FAM20B: variants seen among roughly 807,000 people sequenced by gnomAD.
FAM20B encodes the protein glycosaminoglycan xylosylkinase.
FAM20B carries 23 observed loss-of-function variants against 43.8 expected under a neutral mutation model. The observed-to-expected ratio is 0.53, with a 90% confidence interval of 0.38 to 0.74. FAM20B has a LOEUF of 0.74. Ranked by LOEUF, FAM20B falls within the 30% of genes least tolerant of loss-of-function variation. FAM20B has a pLI of 0.00. For synonymous variants in FAM20B, 178 were observed against 192.4 expected (o/e 0.93, Z 0.62); for missense variants, 440 against 510.5 (o/e 0.86, Z 1.33).
At chr1:179,032,204 T>A (rs1456318021) in intron 1 of FAM20B, among the ~76,000 whole-genome samples, 1 of 152,076 alleles carries the variant, frequency 6.6e-6, no homozygotes, top group African/African-American at 2.4e-5. Context: ...GTCATTTTTC[T>A]CCTCTCTGGA....
chr1:179,056,644 T>C (rs1467854137), intron 4 of FAM20B, among the ~76,000 whole-genome samples: 1 of 152,218 alleles, frequency 6.6e-6, no homozygotes, highest in Non-Finnish European at 1.5e-5. Flanking sequence ...TCAGCTCTTT[T>C]GGGTAAATAC....
At position 179,072,066 on chromosome 1, in the gene FAM20B, C is replaced by T; in HGVS notation, c.1152C>T (p.Ala384=). ...ACCAGCGGCTCCTGAGTGTCCTGGCCACCGTGAAGCAGTGCACCGACCAGT... is the reference window on the plus strand; with the variant it reads ...ACCAGCGGCTCCTGAGTGTCCTGGCTACCGTGAAGCAGTGCACCGACCAGT... ...AVDQRLLSVL[A]TVKQCTDQFG... The change falls in exon 8 of 8, where the codon GCC becomes GCT. Residue 384 remains alanine, a synonymous_variant. Coordinates refer to ENST00000263733, the MANE Select transcript of FAM20B (RefSeq NM_014864.4). The T allele has an allele frequency of 7.4e-6, 12 of 1,614,158 alleles. No individual in the cohort carries two copies. The highest frequency in any genetic ancestry group is 1.0e-5 in the Non-Finnish European group (12 of 1,180,028).
In FAM20B at chr1:179,072,046, C is replaced by T. The variant is rs1443222706; in HGVS notation, c.1132C>T (p.Arg378Trp). 5 of 1,614,038 alleles carry T rather than the reference C, an allele frequency of 3.1e-6. No individual in the cohort carries two copies. The highest frequency in any genetic ancestry group is 3.3e-5 in the Admixed American group (2 of 59,992). Residue 378 changes from arginine (R) to tryptophan (W), a missense_variant, in exon 8 of 8, where the codon CGG (arginine) becomes TGG (tryptophan). Coordinates refer to ENST00000263733, the MANE Select transcript of FAM20B (RefSeq NM_014864.4). ...SDPHLDAVDQ[R>W]LLSVLATVKQ... ...TCCTCATCTGGACGCCGTGGACCAGCGGCTCCTGAGTGTCCTGGCCACCGT... is the reference window on the plus strand; with the variant it reads ...TCCTCATCTGGACGCCGTGGACCAGTGGCTCCTGAGTGTCCTGGCCACCGT...
chr1:179,028,570 CT>C (rs1649884978), intron 1 of FAM20B, among the ~76,000 whole-genome samples: 1 of 152,062 alleles, frequency 6.6e-6, no homozygotes, highest in African/African-American at 2.4e-5. Context: ...GACAGTGAGA[CT>C]CCGTCTCAAA....
In FAM20B at chr1:179,072,199, A is replaced by T. The variant is rs1047439622; in HGVS notation, c.*55A>T. The T allele has an allele frequency of 8.1e-6, 11 of 1,366,186 alleles. No individual in the cohort carries two copies. Among genetic ancestry groups the T allele is most frequent in the Non-Finnish European group, 9.2e-6 (9 of 978,460 alleles). The allele number at this position is 1,366,186 out of a possible 1,614,324, so 84.6% of individuals were successfully genotyped here. The stretch of plus-strand genomic sequence containing the variant: ...TTTACAAAGATAGAGAAACAGCACA[A>T]TCAATTCCAAATGGTATGAGATGGA... On this transcript the variant is annotated 3_prime_UTR_variant, in exon 8 of 8. Coordinates refer to ENST00000263733, the MANE Select transcript of FAM20B (RefSeq NM_014864.4).
intron 1 of FAM20B, among the ~76,000 whole-genome samples, chr1:179,027,937 A>G (rs928875686): frequency 6.6e-6 from 1 of 152,090 alleles, no homozygotes; most frequent in Non-Finnish European, 1.5e-5. Context: ...TGTTAAATTG[A>G]TAATTCCTTG....
upstream of FAM20B, among the ~76,000 whole-genome samples, chr1:179,025,236 A>G (rs1299006888): frequency 2.0e-5 from 3 of 152,222 alleles, no homozygotes; most frequent in Non-Finnish European, 2.9e-5. Flanking sequence ...ACCTGCCCTC[A>G]TGGGGCTTAC....
chr1:179,054,572 G>A lies in FAM20B; in HGVS notation c.508G>A (p.Val170Ile), dbSNP rs755801392. The A allele has an allele frequency of 6.2e-7, 1 of 1,613,216 alleles. No homozygotes were observed. Among genetic ancestry groups the A allele is most frequent in the Non-Finnish European group, 8.5e-7 (1 of 1,179,378 alleles). ...AGCCCCCTTGGTAGTTGGCAGATTTGTTAATCTTCGGACAGAGATCAAACC... is the reference window on the plus strand; with the variant it reads ...AGCCCCCTTGGTAGTTGGCAGATTTATTAATCTTCGGACAGAGATCAAACC... ...HRAPLVVGRF[V>I]NLRTEIKPVA... Residue 170 changes from valine to isoleucine, a missense_variant, in exon 4 of 8, where the codon GTT (valine) becomes ATT (isoleucine). Transcript: ENST00000263733.
At chr1:179,046,598 G>A (rs1572542506) in intron 2 of FAM20B, among the ~76,000 whole-genome samples, 1 of 152,174 alleles carries the variant, frequency 6.6e-6, no homozygotes, top group Admixed American at 6.5e-5. Flanking sequence ...GTTGCGGTGA[G>A]CTGAGATTGC....
rs931569186 is a variant in FAM20B, at chr1:179,061,697, C to T, written c.575-2230C>T. 1.3e-5 allele frequency among the ~76,000 whole-genome samples: 2 copies of T among 152,178 alleles called. 1 individual carries two copies. The highest frequency in any genetic ancestry group is 1.3e-4 in the Admixed American group (2 of 15,272). ...GTGCTGGGATTACAGATGTGAGCCA[C>T]AGTTCCTGGTCATCAAATGATGATT... On this transcript the variant is annotated intron_variant, in intron 4 of 7. Coordinates refer to ENST00000263733, the MANE Select transcript of FAM20B (RefSeq NM_014864.4).
rs1651609351 is a variant in FAM20B, at chr1:179,064,449, A to G, written c.891A>G (p.Gln297=). 17 of 1,614,148 alleles carry G rather than the reference A, an allele frequency of 1.1e-5. No homozygotes were observed. The highest frequency in any genetic ancestry group is 1.4e-5 in the Non-Finnish European group (17 of 1,179,998). ...ACCGCCATCACTATGAGAGCTTTCA[A>G]GATGATGAAGGCGCTAGTATGCTCA... ...NADRHHYESF[Q]DDEGASMLIL... is the part of the protein sequence containing the mutation. Residue 297 remains glutamine (Q), a synonymous_variant, in exon 6 of 8, where the codon CAA becomes CAG. Transcript: ENST00000263733.
At chr1:179,061,850 A>G (rs1032201378) in intron 4 of FAM20B, among the ~76,000 whole-genome samples, 6 of 152,010 alleles carry the variant, frequency 3.9e-5, no homozygotes, top group Non-Finnish European at 8.8e-5. Context: ...ACAATTTATG[A>G]CCATTATAAT....
intron 1 of FAM20B, among the ~76,000 whole-genome samples, chr1:179,037,506 A>T: frequency 1.6e-5 from 1 of 63,984 alleles, no homozygotes. Context: ...TTTTTGTGAG[A>T]CGGAGCCTCA....
intron 1 of FAM20B, among the ~76,000 whole-genome samples, chr1:179,037,479 CTTTTTTTTT>C (rs768903406): frequency 3.4e-5 from 3 of 88,364 alleles, no homozygotes; most frequent in Admixed American, 1.5e-4. Context: ...GTATGTCGGT[CTTTTTTTTT>C]TTTTTTTTTT....
the FAM20B span, among the ~76,000 whole-genome samples, chr1:179,019,697 G>A: frequency 6.6e-6 from 1 of 152,132 alleles, no homozygotes; most frequent in African/African-American, 2.4e-5. Context: ...CCCGACCTCA[G>A]GTGATTTGCC....
intron 1 of FAM20B, among the ~76,000 whole-genome samples, chr1:179,029,639 G>T (rs957210800): frequency 1.3e-5 from 2 of 152,090 alleles, no homozygotes; most frequent in Non-Finnish European, 2.9e-5. Flanking sequence ...TAGAGAAGAG[G>T]GTGCTAACTT....
chr1:179,030,629 T>C (rs1557864977), intron 1 of FAM20B, among the ~76,000 whole-genome samples: 1 of 152,246 alleles, frequency 6.6e-6, no homozygotes, highest in Non-Finnish European at 1.5e-5. Flanking sequence ...ATACTTGAAT[T>C]CATTGTAGGA....
chr1:179,021,579 A>G (rs148506096), upstream of FAM20B, among the ~76,000 whole-genome samples: 548 of 152,342 alleles, frequency 3.6e-3, 4 homozygotes, highest in African/African-American at 0.013. Flanking sequence ...ATAGCCATAC[A>G]TGACAGTTAA....
chr1:179,052,647 T>C (rs1651053567), intron 3 of FAM20B, among the ~76,000 whole-genome samples: 1 of 152,200 alleles, frequency 6.6e-6, no homozygotes, highest in Admixed American at 6.5e-5. Context: ...TTTTCAATAG[T>C]GGGAAAACTG....
Sources: gnomAD v4.1 joint callset for allele counts (sites outside exome capture counted in the v4.1 genomes callset) on GRCh38, gnomAD v4.1.1 for gene constraint, MANE v1.5 for transcripts, NCBI Gene and HGNC (gene_info 2026-07-23, HGNC 2026-07-21) for gene names.